GRIK4: variants seen among roughly 807,000 people sequenced by gnomAD.
The protein encoded by GRIK4 is glutamate ionotropic receptor kainate type subunit 4.
GRIK4 carries 40 observed loss-of-function variants against 104.9 expected under a neutral mutation model. That is an observed-to-expected ratio of 0.38 (90% CI 0.30 to 0.50). The LOEUF (loss-of-function observed/expected upper bound fraction) is 0.50, where lower values mean the gene tolerates loss of function less well. GRIK4 is among the 20% of genes least tolerant of loss of function. The probability of loss-of-function intolerance (pLI) is 0.93; values close to 1 mark genes in which losing one functional copy is unlikely to be tolerated. For synonymous variants in GRIK4, 485 were observed against 524.9 expected (o/e 0.92, Z 1.04); for missense variants, 1,047 against 1,308.1 (o/e 0.80, Z 3.08).
chr11:120,589,373 A>G (rs1948708263), intron 1 of GRIK4, among the ~76,000 whole-genome samples: 1 of 152,122 alleles, frequency 6.6e-6, no homozygotes, highest in Non-Finnish European at 1.5e-5. Flanking sequence ...TCAAAATCCT[A>G]CCTTGGCCAC....
At chr11:120,567,313 C>T (rs1438135039) in intron 1 of GRIK4, among the ~76,000 whole-genome samples, 1 of 151,860 alleles carries the variant, frequency 6.6e-6, no homozygotes, top group African/African-American at 2.4e-5. Flanking sequence ...GGGTGTGCCA[C>T]TACGCCCAGC....
chr11:120,778,726 AG>A (rs767077026), intron 3 of GRIK4, among the ~76,000 whole-genome samples: 20 of 152,246 alleles, frequency 1.3e-4, no homozygotes, highest in Non-Finnish European at 2.2e-4. Context: ...TCACATTTGC[AG>A]CCAAGTTCAT....
rs1944397399 is a variant in GRIK4 at position 120,967,142 on chromosome 11, A to G, written c.2267-53A>G. The stretch of plus-strand genomic sequence containing the variant: ...GTGCCGGGAAGGGGAGCAGAGTGAC[A>G]CCTAACAGGGCATTCACAACCTGTG... On this transcript the variant is annotated intron_variant, in intron 18 of 20. Transcript: ENST00000527524. The surrounding 1 kb of genome is among the most constrained non-coding windows in gnomAD (Gnocchi z 4.2). 5 of 1,568,634 alleles carry G rather than the reference A, an allele frequency of 3.2e-6. No individual in the cohort carries two copies. In the Admixed American group the frequency reaches 5.3e-5, roughly 17 times the overall value.
intron 4 of GRIK4, among the ~76,000 whole-genome samples, chr11:120,814,436 C>G (rs1050705814): frequency 6.6e-6 from 1 of 152,098 alleles, no homozygotes; most frequent in African/African-American, 2.4e-5. Context: ...CCCGTCGCTA[C>G]TAAAAATACA....
chr11:120,582,797 T>C (rs1948606002), intron 1 of GRIK4, among the ~76,000 whole-genome samples: 1 of 152,226 alleles, frequency 6.6e-6, no homozygotes, highest in Non-Finnish European at 1.5e-5. Flanking sequence ...TTTGCTATTG[T>C]GAATAGTGCT....
chr11:120,528,008 C>T (rs766622172), intron 1 of GRIK4, among the ~76,000 whole-genome samples: 1 of 152,208 alleles, frequency 6.6e-6, no homozygotes, highest in Non-Finnish European at 1.5e-5. Flanking sequence ...CAGGGTCTCA[C>T]TCTATTGCCC....
At chr11:120,660,156 T>C (rs955712134) in intron 2 of GRIK4, 113 bp from the exon 3 acceptor site, 13 of 602,052 alleles carry the variant, frequency 2.2e-5, no homozygotes, top group Non-Finnish European at 3.3e-5. Flanking sequence ...GAGCCCGGCA[T>C]GTAAGGAGGA....
At chr11:120,604,007 A>G (rs1948921819) in intron 1 of GRIK4, among the ~76,000 whole-genome samples, 1 of 151,876 alleles carries the variant, frequency 6.6e-6, no homozygotes, top group South Asian at 2.1e-4. Flanking sequence ...CGTCTCTACT[A>G]AAAATACAAA....
At chr11:120,964,838 A>T (rs1944355832) in intron 18 of GRIK4, among the ~76,000 whole-genome samples, 2 of 152,212 alleles carry the variant, frequency 1.3e-5, no homozygotes, top group Non-Finnish European at 2.9e-5. Context: ...CAGATAGATT[A>T]CTTGTCCAAG....
chr11:120,539,375 C>T (rs1591682497), intron 1 of GRIK4, among the ~76,000 whole-genome samples: 2 of 152,332 alleles, frequency 1.3e-5, no homozygotes, highest in East Asian at 3.9e-4. Flanking sequence ...ATAACGATCC[C>T]TTATGTTCGT....
chr11:120,889,588 CATTTTTTTTTTTTTT>C (rs1303014843), intron 11 of GRIK4, among the ~76,000 whole-genome samples: 1 of 67,148 alleles, frequency 1.5e-5, no homozygotes, highest in East Asian at 5.7e-4. Context: ...AAAGAGCTTA[CATTTTTTTTTTTTTT>C]TTTTTTTTTT....
At chr11:120,764,249 G>C (rs1056882798) in intron 3 of GRIK4, among the ~76,000 whole-genome samples, 2 of 152,030 alleles carry the variant, frequency 1.3e-5, no homozygotes, top group Non-Finnish European at 1.5e-5. Flanking sequence ...TGTTTTATCA[G>C]AGACTAGGAT....
intron 13 of GRIK4, among the ~76,000 whole-genome samples, chr11:120,911,458 C>T (rs1435340356): frequency 1.2e-4 from 18 of 147,024 alleles, no homozygotes; most frequent in Non-Finnish European, 2.7e-4. Flanking sequence ...AGGATGGTCT[C>T]GATCTCCTGA....
rs114437205 is a variant in GRIK4 at position 120,775,792 on chromosome 11, C to A, written c.83-26901C>A. Among the ~76,000 whole-genome samples the A allele has an allele frequency of 2.3e-3, 355 of 152,394 alleles. 6 individuals are homozygous for A. Among genetic ancestry groups the A allele is most frequent in the African/African-American group, 8.2e-3 (343 of 41,596 alleles). On this transcript the variant is annotated intron_variant, in intron 3 of 20. Coordinates refer to ENST00000527524, the MANE Select transcript of GRIK4 (RefSeq NM_014619.5). ...ACCAATCAAATAACTTGCCTAAGGGCAAAAACTAAATGGTCTAGCTGAAAT... is the reference window on the plus strand; with the variant it reads ...ACCAATCAAATAACTTGCCTAAGGGAAAAAACTAAATGGTCTAGCTGAAAT...
rs1942844921 is a variant in GRIK4 at position 120,905,390 on chromosome 11, T to A, written c.1373T>A (p.Ile458Asn). The A allele has an allele frequency of 6.2e-7, 1 of 1,613,950 alleles. No homozygotes were observed. The stretch of plus-strand genomic sequence containing the variant: ...GACATGCTCAAGGAGCTGGCAGAGA[T>A]CCTCCGATTCAACTACAAGATCCGC... ...CVDMLKELAE[I>N]LRFNYKIRLV... Residue 458 changes from isoleucine to asparagine, a missense_variant, in exon 13 of 21, where the codon ATC becomes AAC. Physicochemically the swap from Ile to Asn is moderately radical, Grantham distance 149. This residue lies in a region of GRIK4 where 440 missense variants were observed against 652.3 expected (regional missense o/e 0.67). Coordinates refer to ENST00000527524, the MANE Select transcript of GRIK4 (RefSeq NM_014619.5). This position sits in a 1 kb window ranked among gnomAD's most constrained non-coding sequence, Gnocchi z 5.1.
intron 19 of GRIK4, among the ~76,000 whole-genome samples, chr11:120,980,672 C>G (rs1944636465): frequency 6.6e-6 from 1 of 152,172 alleles, no homozygotes; most frequent in Non-Finnish European, 1.5e-5. Context: ...AAATGATCCC[C>G]TATTTTTGAT....
At chr11:120,937,115 G>C (rs1591305656) in intron 13 of GRIK4, among the ~76,000 whole-genome samples, 1 of 152,300 alleles carries the variant, frequency 6.6e-6, no homozygotes, top group South Asian at 2.1e-4. Flanking sequence ...TCAGCTCACT[G>C]CAACCTCCAT....
At chr11:120,866,474 C>T (rs1209303241) in intron 9 of GRIK4, among the ~76,000 whole-genome samples, 1 of 152,130 alleles carries the variant, frequency 6.6e-6, no homozygotes, top group Non-Finnish European at 1.5e-5. Context: ...CTGAGGATGC[C>T]ACCCAGGGCT....
At chr11:120,936,383 A>T in intron 13 of GRIK4, 1 of 403,680 alleles carries the variant, frequency 2.5e-6, no homozygotes, top group Non-Finnish European at 4.8e-6. Context: ...TGGGTGCATT[A>T]GGATCTTTTA....
Sources: allele counts gnomAD v4.1 joint callset (sites outside exome capture counted in the v4.1 genomes callset), GRCh38; gene constraint gnomAD v4.1.1; regional missense constraint gnomAD v4.1.1; non-coding constraint Gnocchi (gnomAD v3.1); transcripts MANE v1.5; gene names NCBI Gene and HGNC (gene_info 2026-07-23, HGNC 2026-07-21).